CCSER1: variants seen among roughly 807,000 people sequenced by gnomAD.
CCSER1 encodes serine-rich coiled-coil domain-containing protein 1.
CCSER1 carries 41 observed loss-of-function variants against 82.0 expected under a neutral mutation model. The observed-to-expected ratio is 0.50, with a 90% CI of 0.39 to 0.65. CCSER1 has a LOEUF of 0.65. Among genes scored for constraint, CCSER1 ranks in the 30% least tolerant of loss-of-function variants. The pLI, the probability that CCSER1 is intolerant of heterozygous loss-of-function variation, is 0.00. For missense variants in CCSER1, 1,119 were observed against 1,064.2 expected (o/e 1.05, Z -0.72); for synonymous variants, 414 against 383.9 (o/e 1.08, Z -0.92).
chr4:90,358,676 T>C (rs891165716), intron 3 of CCSER1, among the ~76,000 whole-genome samples: 4 of 152,310 alleles, frequency 2.6e-5, no homozygotes, highest in Admixed American at 2.6e-4. Context: ...GTATATTTGA[T>C]GTTTTGTGAA....
intron 7 of CCSER1, among the ~76,000 whole-genome samples, chr4:90,784,504 G>A (rs1399912640): frequency 6.6e-6 from 1 of 152,182 alleles, no homozygotes; most frequent in Non-Finnish European, 1.5e-5. Context: ...TGATAAGTCT[G>A]GAGCTGTGGA....
chr4:91,052,126 T>A (rs1743059888), intron 9 of CCSER1, among the ~76,000 whole-genome samples: 1 of 152,078 alleles, frequency 6.6e-6, no homozygotes, highest in Non-Finnish European at 1.5e-5. Flanking sequence ...AAAATGCCTT[T>A]TTTACATACA....
At chr4:90,799,822 G>C (rs920854053) in intron 7 of CCSER1, among the ~76,000 whole-genome samples, 5 of 152,178 alleles carry the variant, frequency 3.3e-5, no homozygotes, top group African/African-American at 1.2e-4. Flanking sequence ...ACTTCTTTAA[G>C]CATCTCTCCC....
intron 7 of CCSER1, among the ~76,000 whole-genome samples, chr4:90,730,614 A>G (rs1561031909): frequency 6.6e-6 from 1 of 152,214 alleles, no homozygotes; most frequent in Non-Finnish European, 1.5e-5. Flanking sequence ...GTTATGATGA[A>G]AAGTAAAGCG....
At chr4:90,791,832 AAC>A (rs570994423) in intron 7 of CCSER1, among the ~76,000 whole-genome samples, 6 of 130,614 alleles carry the variant, frequency 4.6e-5, no homozygotes, top group South Asian at 2.4e-4. Flanking sequence ...AAAAAAAAAA[AAC>A]ACACACACAC....
At chr4:90,374,158 G>A (rs1747922899) in intron 3 of CCSER1, among the ~76,000 whole-genome samples, 2 of 152,304 alleles carry the variant, frequency 1.3e-5, no homozygotes, top group South Asian at 2.1e-4. Flanking sequence ...AATAAAAAAT[G>A]TTTTATTTCT....
At position 90,843,067 on chromosome 4, in the gene CCSER1, A is replaced by T. The variant is rs183185788; in HGVS notation, c.2094+27222A>T. 2.1e-3 allele frequency among the ~76,000 whole-genome samples: 320 copies of T among 152,298 alleles called. 2 individuals are homozygous for T. The highest frequency in any genetic ancestry group is 1.4e-3 in the Non-Finnish European group (94 of 68,016). ...CACAGGTTAATAAATAACCCTTAAG[A>T]GCTGCACTGGATGGTTTAAGGCCCA... On this transcript the variant is annotated intron_variant, in intron 8 of 10. Transcript: ENST00000509176.
intron 1 of CCSER1, among the ~76,000 whole-genome samples, chr4:90,232,374 AG>A (rs1428856683): frequency 2.0e-5 from 3 of 152,094 alleles, no homozygotes; most frequent in Non-Finnish European, 4.4e-5. Context: ...CAATGGGGAA[AG>A]GATTCCCTAT....
At chr4:90,488,802 A>G (rs966983913) in intron 5 of CCSER1, among the ~76,000 whole-genome samples, 5 of 152,192 alleles carry the variant, frequency 3.3e-5, no homozygotes, top group Admixed American at 6.6e-5. Context: ...TCATAAGATT[A>G]TACAAGGATA....
At chr4:90,653,278 G>A (rs550594139) in intron 6 of CCSER1, among the ~76,000 whole-genome samples, 29 of 152,154 alleles carry the variant, frequency 1.9e-4, no homozygotes, top group African/African-American at 6.7e-4. Context: ...TATAAAAAGT[G>A]TATTTTATAT....
chr4:90,702,695 T>G (rs1329752373), intron 6 of CCSER1, among the ~76,000 whole-genome samples: 1 of 152,204 alleles, frequency 6.6e-6, no homozygotes, highest in Non-Finnish European at 1.5e-5. Flanking sequence ...CCTGGTTTAG[T>G]CTTGGGAGGG....
intron 10 of CCSER1, among the ~76,000 whole-genome samples, chr4:91,226,618 A>G (rs1738226041): frequency 6.6e-6 from 1 of 151,910 alleles, no homozygotes; most frequent in South Asian, 2.1e-4. Context: ...TTTTGTAGTG[A>G]TTAAAGATGT....
At chr4:90,719,999 CTT>C (rs1389923833) in intron 6 of CCSER1, among the ~76,000 whole-genome samples, 2 of 152,132 alleles carry the variant, frequency 1.3e-5, no homozygotes, top group African/African-American at 4.8e-5. Flanking sequence ...AAATGGGTCT[CTT>C]CTCCCGATTT....
chr4:91,479,244 C>G (rs1016746498), intron 10 of CCSER1, among the ~76,000 whole-genome samples: 1 of 150,684 alleles, frequency 6.6e-6, no homozygotes, highest in Non-Finnish European at 1.5e-5. Context: ...TTAGTTTACT[C>G]TGGTCTTAGG....
intron 8 of CCSER1, among the ~76,000 whole-genome samples, chr4:90,826,160 T>C (rs1469111849): frequency 2.0e-5 from 3 of 152,188 alleles, no homozygotes; most frequent in African/African-American, 7.2e-5. Flanking sequence ...GATTTGGCTA[T>C]CACCTCTACA....
intron 5 of CCSER1, among the ~76,000 whole-genome samples, chr4:90,531,451 C>T (rs1774518550): frequency 6.7e-6 from 1 of 149,350 alleles, no homozygotes; most frequent in Non-Finnish European, 1.5e-5. Flanking sequence ...TGTTACTCAC[C>T]AGGTGTATTT....
intron 6 of CCSER1, among the ~76,000 whole-genome samples, chr4:90,632,581 T>C (rs1423948916): frequency 6.6e-6 from 1 of 152,070 alleles, no homozygotes; most frequent in Non-Finnish European, 1.5e-5. Flanking sequence ...GAACCAGAGA[T>C]GGAGATGAGT....
rs572078976 is a variant in CCSER1, at chr4:91,119,402, C to T, written c.2217+33408C>T. Among the ~76,000 whole-genome samples the T allele has an allele frequency of 9.1e-4, 138 of 151,996 alleles. 1 individual carries two copies. The highest frequency in any genetic ancestry group is 1.3e-3 in the Non-Finnish European group (86 of 67,920). ...TAGGAATGTTCTTAGGGATTTGATA[C>T]AGACAAACCCCTGAGAACATTTCTA... On this transcript the variant is annotated intron_variant, in intron 10 of 10. Transcript: ENST00000509176.
At chr4:90,279,505 G>T (rs1054916189) in intron 1 of CCSER1, among the ~76,000 whole-genome samples, 3 of 151,980 alleles carry the variant, frequency 2.0e-5, no homozygotes, top group Admixed American at 6.6e-5. Context: ...ATGAGATAAA[G>T]AATTGGGCTA....
Sources: gnomAD v4.1 joint callset for allele counts (sites outside exome capture counted in the v4.1 genomes callset) on GRCh38, gnomAD v4.1.1 for gene constraint, MANE v1.5 for transcripts, NCBI Gene and HGNC (gene_info 2026-07-23, HGNC 2026-07-21) for gene names.